SH3BP5: variants seen among roughly 807,000 people sequenced by gnomAD.
SH3BP5 encodes SH3 domain binding protein 5, also known as SH3 domain-binding protein 5.
In SH3BP5, 22 loss-of-function variants were observed where a neutral mutation model predicts 43.3. The observed-to-expected ratio is 0.51, with a 90% CI of 0.36 to 0.73. The LOEUF is 0.73. Among genes scored for constraint, SH3BP5 ranks in the 30% least tolerant of loss-of-function variants. The pLI, the probability that SH3BP5 is intolerant of heterozygous loss-of-function variation, is 0.00. For synonymous variants in SH3BP5, 255 were observed against 225.8 expected, an observed-to-expected ratio of 1.13 and a Z score of -1.16; for missense variants, 529 against 586.9, an observed-to-expected ratio of 0.90 and a Z score of 1.02.
chr3:15,301,806 A>G (rs1041913721), intron 3 of SH3BP5, among the ~76,000 whole-genome samples: 1 of 152,058 alleles, frequency 6.6e-6, no homozygotes, highest in African/African-American at 2.4e-5. Context: ...ACCAGCCTTG[A>G]GAAACCCCAA....
At chr3:15,316,378 C>T (rs1277449686) in intron 2 of SH3BP5, among the ~76,000 whole-genome samples, 8 of 152,122 alleles carry the variant, frequency 5.3e-5, no homozygotes, top group African/African-American at 1.7e-4. Flanking sequence ...GTGCCCACGA[C>T]CACACTCAGC....
At chr3:15,270,024 T>C (rs1314518221) in intron 3 of SH3BP5, 147 bp from the exon 4 acceptor site, 1 of 646,558 alleles carries the variant, frequency 1.5e-6, no homozygotes, top group Non-Finnish European at 2.5e-6. Flanking sequence ...TCCTCATAGA[T>C]GCCAGACAGG....
chr3:15,302,962 C>T (rs1559448612), intron 3 of SH3BP5, among the ~76,000 whole-genome samples: 1 of 152,154 alleles, frequency 6.6e-6, no homozygotes, highest in Non-Finnish European at 1.5e-5. Context: ...GCGCCCACCA[C>T]CATACCCGGC....
chr3:15,279,691 G>T (rs1235262714), intron 3 of SH3BP5, among the ~76,000 whole-genome samples: 1 of 152,084 alleles, frequency 6.6e-6, no homozygotes, highest in Non-Finnish European at 1.5e-5. Context: ...GCATATATTT[G>T]AAAGTTTTGA....
rs1374414159 is a variant in SH3BP5 at position 15,255,497 on chromosome 3, A to G, written c.*589T>C. ...GGTAGCCTTCTAGAAAATGGTTTTA[A>G]TGGGTATCCCAGCATACACGCTTTT... is the stretch of plus-strand genomic sequence containing the variant. On this transcript the variant is annotated 3_prime_UTR_variant, in exon 9 of 9. Transcript: ENST00000383791. The G allele has an allele frequency of 2.0e-5, 3 of 152,526 alleles. No individual in the cohort carries two copies. Among genetic ancestry groups the G allele is most frequent in the Admixed American group, 6.5e-5 (1 of 15,268 alleles). The allele number at this position is 152,526 out of a possible 1,614,324, so 9.4% of individuals were successfully genotyped here.
rs1424721718 is a variant in SH3BP5, at chr3:15,255,145, C to G, written c.*941G>C. On this transcript the variant is annotated 3_prime_UTR_variant, in exon 9 of 9. Coordinates refer to ENST00000383791, the MANE Select transcript of SH3BP5 (RefSeq NM_004844.5). ...CTTAACTACTATTAACAGCCTTTGC[C>G]AACACATGCCTGCCTACTCCCTTTC... is the stretch of plus-strand genomic sequence containing the variant. 1.3e-5 allele frequency: 2 copies of G among 152,614 alleles called. No homozygotes were observed. The highest frequency in any genetic ancestry group is 2.9e-5 in the Non-Finnish European group (2 of 68,032). The allele number at this position is 152,614 out of a possible 1,614,324, so 9.5% of individuals were successfully genotyped here.
At chr3:15,319,131 TA>T (rs1698257135) in intron 2 of SH3BP5, among the ~76,000 whole-genome samples, 1 of 152,220 alleles carries the variant, frequency 6.6e-6, no homozygotes, top group African/African-American at 2.4e-5. Context: ...TAGGCTCCAC[TA>T]ATTTTTTCTA....
intron 3 of SH3BP5, among the ~76,000 whole-genome samples, chr3:15,285,390 C>G (rs536284335): frequency 6.6e-6 from 1 of 152,128 alleles, no homozygotes; most frequent in Admixed American, 6.5e-5. Context: ...ACTCATTCCC[C>G]GCTCCGCTCA....
chr3:15,278,724 A>G (rs1482942212), intron 3 of SH3BP5, among the ~76,000 whole-genome samples: 1 of 152,206 alleles, frequency 6.6e-6, no homozygotes, highest in Non-Finnish European at 1.5e-5. Context: ...TTATTTAGTC[A>G]AAATTATTCT....
intron 1 of SH3BP5, among the ~76,000 whole-genome samples, chr3:15,338,274 T>C (rs1698725726): frequency 6.6e-6 from 1 of 151,814 alleles, no homozygotes; most frequent in Non-Finnish European, 1.5e-5. Flanking sequence ...ACCCAGGAGG[T>C]TGAGGCTGAA....
chr3:15,259,966 C>G (rs1696371443), intron 5 of SH3BP5, 163 bp from the exon 6 acceptor site: 2 of 664,216 alleles, frequency 3.0e-6, no homozygotes, highest in Non-Finnish European at 5.4e-6. Context: ...GCTCCTAGCT[C>G]TGGAGACTGA....
chr3:15,288,587 G>T (rs898359964), intron 3 of SH3BP5, among the ~76,000 whole-genome samples: 1 of 152,164 alleles, frequency 6.6e-6, no homozygotes. Context: ...GTGAAAACCC[G>T]TCTCTACTAA....
intron 3 of SH3BP5, among the ~76,000 whole-genome samples, chr3:15,271,139 G>A (rs1263386586): frequency 2.6e-5 from 4 of 151,268 alleles, no homozygotes; most frequent in African/African-American, 9.7e-5. Flanking sequence ...GCACTTTGGG[G>A]GGCCAAGGCA....
chr3:15,335,171 G>A (rs927058372), upstream of SH3BP5, among the ~76,000 whole-genome samples: 5 of 152,010 alleles, frequency 3.3e-5, no homozygotes, highest in African/African-American at 4.8e-5. Flanking sequence ...GAGGCAGGTG[G>A]ATCACCTGAG....
intron 3 of SH3BP5, among the ~76,000 whole-genome samples, chr3:15,274,587 G>A (rs57524363): frequency 0.063 from 9,536 of 152,132 alleles, 987 homozygotes; most frequent in African/African-American, 0.22. Context: ...TCTGCCTCCC[G>A]GGTTCAAGTA....
rs181634823 is a variant in SH3BP5, at chr3:15,316,952, T to C, written c.202-12721A>G. 3.3e-5 allele frequency among the ~76,000 whole-genome samples: 5 copies of C among 152,344 alleles called. No individual in the cohort carries two copies. The East Asian group carries it at 5.8e-4, about 18-fold the overall frequency. The stretch of plus-strand genomic sequence containing the variant: ...TTTTCATTTATGGCCAAACACATGT[T>C]CTTAAATCCACAGGATTCTTTGTGT... On this transcript the variant is annotated intron_variant, in intron 2 of 8. Coordinates refer to ENST00000383791, the MANE Select transcript of SH3BP5 (RefSeq NM_004844.5).
chr3:15,272,725 T>TA (rs1575295425), intron 3 of SH3BP5, among the ~76,000 whole-genome samples: 1 of 144,320 alleles, frequency 6.9e-6, no homozygotes, highest in East Asian at 2.5e-4. Context: ...TGTAGGAGAT[T>TA]CGATGATACC....
At chr3:15,294,431 C>T (rs1697512420) in intron 3 of SH3BP5, among the ~76,000 whole-genome samples, 1 of 152,046 alleles carries the variant, frequency 6.6e-6, no homozygotes, top group Admixed American at 6.6e-5. Context: ...CTCCTCCCTT[C>T]CATCCTCCTT....
rs1698643936 is a variant in SH3BP5, at chr3:15,332,565, C to T, written c.-157G>A. 1 of 1,229,006 alleles carries T rather than the reference C, an allele frequency of 8.1e-7. No homozygotes were observed. The highest frequency in any genetic ancestry group is 1.0e-6 in the Non-Finnish European group (1 of 987,270). The allele number at this position is 1,229,006 out of a possible 1,614,324, so 76.1% of individuals were successfully genotyped here. ...AGACGCAGCTCGCCGATGCGGATAC[C>T]TCCGGCCGCGGCGGAGCAGAGGAAA... On this transcript the variant is annotated 5_prime_UTR_variant, in exon 1 of 9. Transcript: ENST00000383791.
Sources: allele counts gnomAD v4.1 joint callset (sites outside exome capture counted in the v4.1 genomes callset), GRCh38; gene constraint gnomAD v4.1.1; transcripts MANE v1.5; gene names NCBI Gene and HGNC (gene_info 2026-07-23, HGNC 2026-07-21).